Variants in BPIFB2 observed in about 807,000 individuals in gnomAD.
BPIFB2 encodes the protein BPI fold containing family B member 2.
A neutral mutation model predicts 50.1 loss-of-function variants in BPIFB2; 39 were observed. The observed-to-expected ratio is 0.78, with a 90% CI of 0.60 to 1.02. The LOEUF is 1.02. BPIFB2 is among the 50% of genes least tolerant of loss of function. The pLI is 0.00. For missense variants in BPIFB2, 574 were observed against 585.8 expected (o/e 0.98, Z 0.21); for synonymous variants, 280 against 256.3 (o/e 1.09, Z -0.88).
rs1446011692 is a variant in BPIFB2 at position 33,021,640 on chromosome 20, G to C, written c.1259-83G>C. 6 of 1,370,632 alleles carry C rather than the reference G, an allele frequency of 4.4e-6. No individual in the cohort carries two copies. The East Asian group carries it at 1.4e-4, about 31-fold the overall frequency. 84.9% of individuals were successfully genotyped at this position (1,370,632 alleles called of 1,614,324 possible). A position where few individuals can be genotyped will look rare whatever the true frequency, so the allele number is the denominator to read the frequency against. Reference sequence around the variant, plus strand: ...TGGCATCCATCTTCCAGATGCCTGCGAGGACTCAGTGCTGTGATGCACATG... The same window carrying C: ...TGGCATCCATCTTCCAGATGCCTGCCAGGACTCAGTGCTGTGATGCACATG... On this transcript the variant is annotated intron_variant, in intron 14 of 15. Transcript: ENST00000170150.
chr20:33,018,684 C>A lies in BPIFB2; in HGVS notation c.717C>A (p.Ala239=). The A allele has an allele frequency of 6.2e-7, 1 of 1,614,180 alleles. No individual in the cohort carries two copies. Among genetic ancestry groups the A allele is most frequent in the Non-Finnish European group, 8.5e-7 (1 of 1,180,018 alleles). The change falls in exon 9 of 16, where the codon GCC becomes GCA. Residue 239 remains alanine, a synonymous_variant. Coordinates refer to ENST00000170150, the MANE Select transcript of BPIFB2 (RefSeq NM_025227.3). ...AGCCCATCATCCTGCCCACGGATGC[C>A]ACCCCTTTTGTGTTGCCAAGGCATG... is the stretch of plus-strand genomic sequence containing the variant. ...LGKPIILPTD[A]TPFVLPRHVG...
At chr20:33,015,667 G>T (rs1978399347) in intron 6 of BPIFB2, among the ~76,000 whole-genome samples, 171 bp downstream of exon 6, 1 of 151,970 alleles carries the variant, frequency 6.6e-6, no homozygotes, top group East Asian at 1.9e-4. Flanking sequence ...GCCAGGTCCA[G>T]GGGAGTGATG....
intron 8 of BPIFB2, 67 bp downstream of exon 8, chr20:33,018,417 G>A: frequency 6.8e-7 from 1 of 1,463,066 alleles, no homozygotes; most frequent in Non-Finnish European, 9.5e-7. Flanking sequence ...TGTTCCAGAA[G>A]ATTCCTAAAG....
rs115854272 is a variant in BPIFB2 at position 33,012,623 on chromosome 20, A to G, written c.204-180A>G. ...TGTTCTCCCTACCAGCTGGTGTCCA[A>G]CCTTGGTTTGCATGCCCCGTGGTGA... On this transcript the variant is annotated intron_variant, in intron 3 of 15. Coordinates refer to ENST00000170150, the MANE Select transcript of BPIFB2 (RefSeq NM_025227.3). Among the ~76,000 whole-genome samples, 253 of 152,186 alleles carry G rather than the reference A, an allele frequency of 1.7e-3. 3 individuals are homozygous for G. Among genetic ancestry groups the G allele is most frequent in the African/African-American group, 5.7e-3 (238 of 41,518 alleles).
Position 33,009,791 on chromosome 20 carries a change from G to C in BPIFB2, c.109+1108G>C, listed in dbSNP as rs1744730873. 6.6e-6 allele frequency among the ~76,000 whole-genome samples: 1 copy of C among 152,258 alleles called. No individual in the cohort carries two copies. Among genetic ancestry groups the C allele is most frequent in the African/African-American group, 2.4e-5 (1 of 41,462 alleles). On this transcript the variant is annotated intron_variant, in intron 2 of 15. Transcript: ENST00000170150. This position sits in a 1 kb window ranked among gnomAD's most constrained non-coding sequence, Gnocchi z 4.2. ...AGCCCTCCCCAGCTTGCCTGCCTGTGTTTGTTTTTGGCAGAAATCTGGCTG... is the reference window on the plus strand; with the variant it reads ...AGCCCTCCCCAGCTTGCCTGCCTGTCTTTGTTTTTGGCAGAAATCTGGCTG...
At position 33,017,057 on chromosome 20, in the gene BPIFB2, T is replaced by C. The variant is rs1978456206; in HGVS notation, c.532T>C (p.Ser178Pro). Residue 178 changes from serine (S) to proline (P), a missense_variant, in exon 7 of 16, where the codon TCC becomes CCC. Coordinates refer to ENST00000170150, the MANE Select transcript of BPIFB2 (RefSeq NM_025227.3). ...VLSNKLCLSI[S>P]NLVQGVNVHL... ...CTTACCACAGCTGTGCCTGAGCATC[T>C]CCAACCTGGTGCAGGGTGTCAATGT... 1 of 1,613,952 alleles carries C rather than the reference T, an allele frequency of 6.2e-7. No individual in the cohort carries two copies. Among genetic ancestry groups the C allele is most frequent in the Non-Finnish European group, 8.5e-7 (1 of 1,179,972 alleles).
At chr20:33,021,623 A>G (rs1978675805) in intron 14 of BPIFB2, 100 bp from the exon 15 acceptor site, 6 of 1,233,012 alleles carry the variant, frequency 4.9e-6, no homozygotes, top group Admixed American at 3.4e-5. Flanking sequence ...AATGGCATCC[A>G]TCTTCCAGAT....
chr20:33,016,584 A>T (rs928133913), intron 6 of BPIFB2, among the ~76,000 whole-genome samples: 4 of 152,132 alleles, frequency 2.6e-5, no homozygotes, highest in Non-Finnish European at 4.4e-5. Context: ...CTGGCTGCCC[A>T]TGGTGCCCAG....
At chr20:33,016,457 C>T (rs1450819689) in intron 6 of BPIFB2, among the ~76,000 whole-genome samples, 1 of 152,184 alleles carries the variant, frequency 6.6e-6, no homozygotes, top group Non-Finnish European at 1.5e-5. Context: ...TCCTCTCGAC[C>T]TCGCCCTGCC....
At chr20:33,021,929 T>C (rs2146356339) in intron 15 of BPIFB2, 130 bp downstream of exon 15, 2 of 923,780 alleles carry the variant, frequency 2.2e-6, no homozygotes, top group South Asian at 1.5e-5. Context: ...TGCAATGAAA[T>C]GAAAAGTCCA....
intron 15 of BPIFB2, 34 bp from the exon 16 acceptor site, chr20:33,023,308 T>C (rs1057399689): frequency 4.3e-6 from 7 of 1,609,352 alleles, no homozygotes; most frequent in Non-Finnish European, 6.0e-6. Flanking sequence ...CTGTGCCTCC[T>C]CTGACCTGGT....
At chr20:33,015,629 TC>T (rs1233090132) in intron 6 of BPIFB2, 133 bp downstream of exon 6, 5 of 794,080 alleles carry the variant, frequency 6.3e-6, no homozygotes, top group Non-Finnish European at 5.7e-6. Flanking sequence ...CCCTTCATGG[TC>T]CCCATGAAGG....
Position 33,023,442 on chromosome 20 carries a change from T to A in BPIFB2, c.*59T>A. On this transcript the variant is annotated 3_prime_UTR_variant, in exon 16 of 16. Transcript: ENST00000170150. The stretch of plus-strand genomic sequence containing the variant: ...GCTCGCTGCTCAGGCGAATTTCTCA[T>A]TTCAAGCCACTGGGGAAACTGAGGC... 6.3e-7 allele frequency: 1 copy of A among 1,577,234 alleles called. No homozygotes were observed. The highest frequency in any genetic ancestry group is 8.7e-7 in the Non-Finnish European group (1 of 1,147,100).
chr20:33,010,043 G>A (rs943025364), intron 2 of BPIFB2, among the ~76,000 whole-genome samples: 1 of 152,232 alleles, frequency 6.6e-6, no homozygotes, highest in African/African-American at 2.4e-5. Flanking sequence ...TGTTGGGGGA[G>A]ACTAAGAACC....
intron 10 of BPIFB2, 135 bp downstream of exon 10, chr20:33,019,250 T>C (rs1371912985): frequency 2.8e-6 from 3 of 1,087,752 alleles, no homozygotes; most frequent in Non-Finnish European, 4.1e-6. Context: ...TACTCCTCCA[T>C]CTTGGGGAGG....
intron 13 of BPIFB2, 108 bp from the exon 14 acceptor site, chr20:33,021,173 C>A: frequency 8.2e-7 from 1 of 1,213,996 alleles, no homozygotes; most frequent in South Asian, 1.3e-5. Flanking sequence ...CTCTGCCATC[C>A]ATCTGTTGTC....
Position 33,012,910 on chromosome 20 carries a change from G to A in BPIFB2, c.308+3G>A, listed in dbSNP as rs1442190783. On this transcript the variant is annotated splice_donor_region_variant and intron_variant, in intron 4 of 15. Coordinates refer to ENST00000170150, the MANE Select transcript of BPIFB2 (RefSeq NM_025227.3). ...AATTTTACTTTCAAGGTCTTTCGGTGAGCGGATCTCCTTGTTAGGGGGTGA... is the reference window on the plus strand; with the variant it reads ...AATTTTACTTTCAAGGTCTTTCGGTAAGCGGATCTCCTTGTTAGGGGGTGA... 1.9e-6 allele frequency: 3 copies of A among 1,605,500 alleles called. No homozygotes were observed. The highest frequency in any genetic ancestry group is 3.3e-5 in the Admixed American group (2 of 60,000).
chr20:33,019,078 T>G lies in BPIFB2; in HGVS notation c.872T>G (p.Leu291Arg), dbSNP rs200083298. 3.7e-6 allele frequency: 6 copies of G among 1,614,004 alleles called. No individual in the cohort carries two copies. Among genetic ancestry groups the G allele is most frequent in the Non-Finnish European group, 5.1e-6 (6 of 1,180,022 alleles). ...TGATTTCAGAGGTCGGATGACAACC[T>G]GCTGAACACCTCTGCTCTGGGCCGG... Reference protein sequence around the residue: ...ITGQLRSDDNLLNTSALGRLI... With the variant: ...ITGQLRSDDNRLNTSALGRLI... Residue 291 changes from leucine (L) to arginine (R), a missense_variant, in exon 10 of 16, where the codon CTG (leucine) becomes CGG (arginine). Coordinates refer to ENST00000170150, the MANE Select transcript of BPIFB2 (RefSeq NM_025227.3).
intron 6 of BPIFB2, 35 bp from the exon 7 acceptor site, chr20:33,017,007 C>T: frequency 6.2e-7 from 1 of 1,607,028 alleles, no homozygotes; most frequent in Non-Finnish European, 8.5e-7. Flanking sequence ...CAGGGCTGCC[C>T]TAACCCCAGC....
Sources: gnomAD v4.1 joint callset for allele counts (sites outside exome capture counted in the v4.1 genomes callset) on GRCh38, gnomAD v4.1.1 for gene constraint, Gnocchi (gnomAD v3.1) non-coding constraint, MANE v1.5 for transcripts, NCBI Gene and HGNC (gene_info 2026-07-23, HGNC 2026-07-21) for gene names.